The following TECRL variants were observed in gnomAD, a reference collection of about 807,000 sequenced individuals.
The protein encoded by TECRL is trans-2,3-enoyl-CoA reductase-like.
A neutral mutation model predicts 52.8 loss-of-function variants in TECRL; 63 were observed. That is an observed-to-expected ratio of 1.19 (90% CI 0.97 to 1.47). The LOEUF is 1.47. TECRL is among the 40% of genes most tolerant of loss of function. The probability of loss-of-function intolerance (pLI) is 0.00; values close to 1 mark genes in which losing one functional copy is unlikely to be tolerated. For missense variants in TECRL, 482 were observed against 429.6 expected (o/e 1.12, Z -1.08); for synonymous variants, 164 against 141.9 (o/e 1.16, Z -1.10).
At chr4:64,363,811 C>T (rs1444484334) in intron 2 of TECRL, among the ~76,000 whole-genome samples, 17 of 152,050 alleles carry the variant, frequency 1.1e-4, no homozygotes. Flanking sequence ...AATGTTAGCA[C>T]AGGTATTTGA....
chr4:64,370,900 GAAGT>G (rs944883003), intron 2 of TECRL, among the ~76,000 whole-genome samples: 4 of 151,782 alleles, frequency 2.6e-5, no homozygotes, highest in African/African-American at 9.7e-5. Context: ...TATGAGCTTT[GAAGT>G]AAGCTTTGAA....
intron 2 of TECRL, among the ~76,000 whole-genome samples, chr4:64,356,999 A>G (rs1478131425): frequency 6.6e-5 from 10 of 152,164 alleles, no homozygotes; most frequent in African/African-American, 2.4e-4. Flanking sequence ...TTTTAATTAT[A>G]TGTTTATTTT....
chr4:64,303,338 A>G (rs1352297311), intron 7 of TECRL, among the ~76,000 whole-genome samples: 1 of 151,618 alleles, frequency 6.6e-6, no homozygotes, highest in East Asian at 1.9e-4. Flanking sequence ...CTAAGCCCAT[A>G]TAACTAATAG....
At chr4:64,355,601 A>G (rs1720708911) in intron 2 of TECRL, among the ~76,000 whole-genome samples, 1 of 151,936 alleles carries the variant, frequency 6.6e-6, no homozygotes, top group African/African-American at 2.4e-5. Flanking sequence ...GATCGAGACC[A>G]TCCTGGCGAA....
intron 1 of TECRL, among the ~76,000 whole-genome samples, chr4:64,408,609 A>G (rs892115623): frequency 6.6e-6 from 1 of 152,060 alleles, no homozygotes; most frequent in Non-Finnish European, 1.5e-5. Flanking sequence ...TGAGGTAGTC[A>G]CTTTTTAAGA....
At chr4:64,382,219 A>G (rs1245703965) in intron 1 of TECRL, among the ~76,000 whole-genome samples, 1 of 3,242 alleles carries the variant, frequency 3.1e-4, no homozygotes, top group East Asian at 0.083. Flanking sequence ...ATATATATAT[A>G]TATATATATA....
chr4:64,301,541 G>A (rs1451927753), intron 7 of TECRL, among the ~76,000 whole-genome samples: 1 of 151,156 alleles, frequency 6.6e-6, no homozygotes, highest in African/African-American at 2.4e-5. Context: ...TGAACTTATA[G>A]TCTGACCCAG....
rs554550767 is a variant in TECRL, at chr4:64,372,587, T to TA, written c.286+2584dup. On this transcript the variant is annotated intron_variant, in intron 2 of 11. Transcript: ENST00000381210. Reference sequence around the variant, plus strand: ...ACTGTATAGAAAAGACATATTACAGTAAAAAAAGTTCTAAAATAAAACAAA... The same window carrying TA: ...ACTGTATAGAAAAGACATATTACAGTAAAAAAAAGTTCTAAAATAAAACAAA... Among the ~76,000 whole-genome samples the TA allele has an allele frequency of 4.7e-3, 718 of 151,552 alleles. 8 individuals are homozygous for TA. The highest frequency in any genetic ancestry group is 0.016 in the African/African-American group (683 of 41,436).
chr4:64,374,551 T>A (rs1328809835), intron 2 of TECRL, among the ~76,000 whole-genome samples: 1 of 151,982 alleles, frequency 6.6e-6, no homozygotes, highest in Non-Finnish European at 1.5e-5. Flanking sequence ...CCTAATGCTA[T>A]CCCTCCCCGC....
At position 64,308,159 on chromosome 4, in the gene TECRL, T is replaced by G. The variant is rs147505470; in HGVS notation, c.657+1667A>C. Among the ~76,000 whole-genome samples the G allele has an allele frequency of 1.9e-3, 288 of 152,152 alleles. 4 individuals are homozygous for G. The highest frequency in any genetic ancestry group is 6.4e-3 in the African/African-American group (266 of 41,510). On this transcript the variant is annotated intron_variant, in intron 6 of 11. Coordinates refer to ENST00000381210, the MANE Select transcript of TECRL (RefSeq NM_001010874.5). ...TAGGGGCTGATTAGGCAGATAGAGA[T>G]AGAAGGTCTTGCAAGAGGGACAATG... is the stretch of plus-strand genomic sequence containing the variant.
At chr4:64,316,098 T>C (rs1658910082) in intron 4 of TECRL, among the ~76,000 whole-genome samples, 1 of 152,152 alleles carries the variant, frequency 6.6e-6, no homozygotes, top group Non-Finnish European at 1.5e-5. Context: ...TACAATAAAA[T>C]GTTTAAAATA....
chr4:64,293,780 T>TC (rs1723525443), intron 8 of TECRL, among the ~76,000 whole-genome samples: 2 of 152,032 alleles, frequency 1.3e-5, no homozygotes, highest in Non-Finnish European at 2.9e-5. Flanking sequence ...CATCAATTAG[T>TC]CAGGCTCTGT....
intron 1 of TECRL, among the ~76,000 whole-genome samples, chr4:64,396,990 A>G (rs1473559093): frequency 6.6e-6 from 1 of 152,172 alleles, no homozygotes; most frequent in African/African-American, 2.4e-5. Context: ...CTACAAGGCT[A>G]CAATAACCAA....
intron 7 of TECRL, among the ~76,000 whole-genome samples, chr4:64,302,696 T>C (rs995464475): frequency 6.6e-6 from 1 of 151,428 alleles, no homozygotes; most frequent in Non-Finnish European, 1.5e-5. Flanking sequence ...ATCAATTGTC[T>C]GTTTTGTAAT....
intron 2 of TECRL, among the ~76,000 whole-genome samples, chr4:64,369,347 G>GT (rs992297072): frequency 1.3e-5 from 2 of 151,964 alleles, no homozygotes. Flanking sequence ...TAATTTAGTA[G>GT]TTTTTTTACA....
intron 7 of TECRL, among the ~76,000 whole-genome samples, chr4:64,301,741 G>A (rs1195524894): frequency 6.6e-6 from 1 of 151,198 alleles, no homozygotes; most frequent in African/African-American, 2.4e-5. Flanking sequence ...GTATAGAGAA[G>A]AGAGGGTTCA....
At chr4:64,338,184 G>A (rs1719260751) in intron 2 of TECRL, among the ~76,000 whole-genome samples, 1 of 152,092 alleles carries the variant, frequency 6.6e-6, no homozygotes, top group South Asian at 2.1e-4. Flanking sequence ...AATAGGGAAA[G>A]GATTCCCTAT....
At chr4:64,383,261 G>A (rs1269181299) in intron 1 of TECRL, among the ~76,000 whole-genome samples, 1 of 151,726 alleles carries the variant, frequency 6.6e-6, no homozygotes, top group Non-Finnish European at 1.5e-5. Flanking sequence ...CTTTTTGGTT[G>A]GATATATTTG....
intron 6 of TECRL, among the ~76,000 whole-genome samples, chr4:64,308,132 G>T (rs1337257108): frequency 2.6e-5 from 4 of 152,158 alleles, no homozygotes; most frequent in Non-Finnish European, 5.9e-5. Context: ...AGAGGAGGTA[G>T]GTAGGGGCTG....
Sources: gnomAD v4.1 joint callset for allele counts (sites outside exome capture counted in the v4.1 genomes callset) on GRCh38, gnomAD v4.1.1 for gene constraint, MANE v1.5 for transcripts, NCBI Gene and HGNC (gene_info 2026-07-23, HGNC 2026-07-21) for gene names.